GLIS3: variants seen among roughly 807,000 people sequenced by gnomAD.
The protein encoded by GLIS3 is GLIS family zinc finger 3.
Under a neutral mutation model 78.6 loss-of-function variants are expected in GLIS3, and 53 were observed. That is an observed-to-expected ratio of 0.67 (90% CI 0.54 to 0.85). The LOEUF is 0.85. Among genes scored for constraint, GLIS3 ranks in the 40% least tolerant of loss-of-function variants. The pLI is 0.00. For synonymous variants in GLIS3, 684 were observed against 509.9 expected, an observed-to-expected ratio of 1.34 and a Z score of -4.60; for missense variants, 1,703 against 1,231.1, an observed-to-expected ratio of 1.38 and a Z score of -5.74.
At chr9:4,154,044 A>T (rs2180943) in intron 2 of GLIS3, among the ~76,000 whole-genome samples, 2 of 152,120 alleles carry the variant, frequency 1.3e-5, no homozygotes, top group African/African-American at 4.8e-5. Context: ...AGCTACGCTG[A>T]GGCTGTCAAT....
the GLIS3 span, among the ~76,000 whole-genome samples, chr9:4,407,411 C>T: frequency 1.3e-5 from 2 of 152,172 alleles, no homozygotes; most frequent in Non-Finnish European, 2.9e-5. Flanking sequence ...TTCGGGAGGC[C>T]GAGGCAGGTG....
At chr9:3,973,852 C>T (rs1006228156) in intron 4 of GLIS3, among the ~76,000 whole-genome samples, 16 of 152,036 alleles carry the variant, frequency 1.1e-4, no homozygotes, top group Non-Finnish European at 1.6e-4. Context: ...TTAAAATTTT[C>T]GACATCTTAT....
chr9:3,914,954 A>C (rs143230597), intron 6 of GLIS3, among the ~76,000 whole-genome samples: 26 of 152,188 alleles, frequency 1.7e-4, no homozygotes, highest in Admixed American at 1.2e-3. Context: ...GCACAGAATT[A>C]CTGTCAGTAA....
chr9:4,481,245 A>G, the GLIS3 span, among the ~76,000 whole-genome samples: 1 of 152,106 alleles, frequency 6.6e-6, no homozygotes, highest in Non-Finnish European at 1.5e-5. Flanking sequence ...GTACTTTGGG[A>G]GGCCGAGGCA....
chr9:4,068,081 A>T (rs1244414599), intron 4 of GLIS3, among the ~76,000 whole-genome samples: 1 of 152,154 alleles, frequency 6.6e-6, no homozygotes, highest in Non-Finnish European at 1.5e-5. Flanking sequence ...CAAAATAAGG[A>T]GCTTAGAAAA....
At chr9:4,050,088 C>T (rs969000466) in intron 4 of GLIS3, among the ~76,000 whole-genome samples, 3 of 152,124 alleles carry the variant, frequency 2.0e-5, no homozygotes, top group Non-Finnish European at 4.4e-5. Context: ...CCCAGCCATC[C>T]CATTACTGGG....
At chr9:4,334,904 C>CTTTTTTTTTTTTT (rs56017714) in intron 2 of GLIS3, among the ~76,000 whole-genome samples, 1 of 107,030 alleles carries the variant, frequency 9.3e-6, no homozygotes, top group Non-Finnish European at 1.7e-5. Context: ...TCATTTCCAC[C>CTTTTTTTTTTTTT]TTTTTTTTTT....
chr9:4,107,260 G>A (rs568852753), intron 4 of GLIS3, among the ~76,000 whole-genome samples: 1 of 152,288 alleles, frequency 6.6e-6, no homozygotes, highest in Non-Finnish European at 1.5e-5. Context: ...ACTATACTCT[G>A]TGTTCACCAA....
intron 4 of GLIS3, among the ~76,000 whole-genome samples, chr9:4,045,726 A>G (rs1301006438): frequency 6.6e-6 from 1 of 152,154 alleles, no homozygotes; most frequent in Non-Finnish European, 1.5e-5. Context: ...ATCAGACAAG[A>G]GGCTGAAGGT....
At chr9:4,192,397 A>G (rs1818407346) in intron 2 of GLIS3, among the ~76,000 whole-genome samples, 1 of 152,232 alleles carries the variant, frequency 6.6e-6, no homozygotes, top group African/African-American at 2.4e-5. Flanking sequence ...ACTAAGCTGA[A>G]TAGTTAAGCA....
At chr9:4,388,890 G>C in the GLIS3 span, among the ~76,000 whole-genome samples, 3 of 152,166 alleles carry the variant, frequency 2.0e-5, no homozygotes, top group Non-Finnish European at 4.4e-5. Context: ...TGGAACAGAA[G>C]AGATGCTCCA....
At chr9:4,369,270 G>T in the GLIS3 span, among the ~76,000 whole-genome samples, 1 of 152,040 alleles carries the variant, frequency 6.6e-6, no homozygotes, top group Non-Finnish European at 1.5e-5. Context: ...ATCCCAGGAA[G>T]GGAAGCTTTC....
At chr9:3,854,154 T>G (rs764180247) in intron 9 of GLIS3, among the ~76,000 whole-genome samples, 1 of 152,206 alleles carries the variant, frequency 6.6e-6, no homozygotes, top group Non-Finnish European at 1.5e-5. Context: ...TGGTTCTCTT[T>G]CAGAGTAGAT....
At chr9:4,189,069 G>A (rs1191626788) in intron 2 of GLIS3, among the ~76,000 whole-genome samples, 1 of 151,586 alleles carries the variant, frequency 6.6e-6, no homozygotes, top group African/African-American at 2.4e-5. Context: ...TGCTTTTCTA[G>A]TTCTTTTAAT....
chr9:4,368,339 T>C, the GLIS3 span, among the ~76,000 whole-genome samples: 1 of 57,864 alleles, frequency 1.7e-5, no homozygotes, highest in Non-Finnish European at 3.4e-5. Context: ...AAGAACCCTG[T>C]TTTTTTTTTT....
At chr9:4,440,990 G>C in the GLIS3 span, among the ~76,000 whole-genome samples, 6 of 151,324 alleles carry the variant, frequency 4.0e-5, no homozygotes, top group Non-Finnish European at 2.9e-5. Context: ...CCTGATTTTT[G>C]TGTGTTGATT....
At chr9:3,848,521 A>G (rs893549967) in intron 9 of GLIS3, among the ~76,000 whole-genome samples, 10 of 152,202 alleles carry the variant, frequency 6.6e-5, no homozygotes, top group African/African-American at 2.2e-4. Flanking sequence ...AATAAATAAA[A>G]TAAAAATAAA....
At chr9:4,160,873 T>C (rs939607751) in intron 2 of GLIS3, among the ~76,000 whole-genome samples, 7 of 152,306 alleles carry the variant, frequency 4.6e-5, no homozygotes, top group African/African-American at 1.2e-4. Flanking sequence ...ATACTCATTG[T>C]GTGTGCAACA....
intron 4 of GLIS3, 84 bp downstream of exon 4, chr9:4,117,684 A>G (rs959095197): frequency 3.3e-6 from 5 of 1,523,332 alleles, no homozygotes; most frequent in African/African-American, 1.4e-5. Context: ...TGCAAACTCC[A>G]TGGGCCGAGT....
Sources: allele counts gnomAD v4.1 joint callset (sites outside exome capture counted in the v4.1 genomes callset), GRCh38; gene constraint gnomAD v4.1.1; transcripts MANE v1.5; gene names NCBI Gene and HGNC (gene_info 2026-07-23, HGNC 2026-07-21).